PATJ: variants seen among roughly 807,000 people sequenced by gnomAD.
The protein encoded by PATJ is PATJ crumbs cell polarity complex component, also known as inaD-like protein.
Under a neutral mutation model 224.9 loss-of-function variants are expected in PATJ, and 190 were observed. The ratio of observed to expected loss-of-function variants is 0.84; its 90% CI spans 0.75 to 0.95. The LOEUF (loss-of-function observed/expected upper bound fraction) is 0.95, where lower values mean the gene tolerates loss of function less well. Ranked by LOEUF, PATJ falls within the 40% of genes least tolerant of loss-of-function variation. The pLI is 0.00. For synonymous variants in PATJ, 769 were observed against 820.3 expected (o/e 0.94, Z 1.07); for missense variants, 2,121 against 2,270.3 (o/e 0.93, Z 1.34).
chr1:62,113,448 G>GC (rs1277530805), intron 34 of PATJ, among the ~76,000 whole-genome samples: 2 of 152,144 alleles, frequency 1.3e-5, no homozygotes, highest in African/African-American at 4.8e-5. Flanking sequence ...GCCAGCCTGG[G>GC]CAATATGGCA....
At chr1:61,809,271 A>G (rs551698583) in intron 14 of PATJ, among the ~76,000 whole-genome samples, 1 of 152,348 alleles carries the variant, frequency 6.6e-6, no homozygotes, top group South Asian at 2.1e-4. Flanking sequence ...TTGATAAGAA[A>G]GGAAAGATGT....
At chr1:61,761,321 C>T (rs1298079467) in intron 1 of PATJ, among the ~76,000 whole-genome samples, 7 of 152,070 alleles carry the variant, frequency 4.6e-5, no homozygotes, top group Non-Finnish European at 2.9e-5. Context: ...AAACCATACC[C>T]CCTTCAAGAC....
chr1:61,832,107 A>G (rs536658737), intron 16 of PATJ, among the ~76,000 whole-genome samples: 1 of 152,236 alleles, frequency 6.6e-6, no homozygotes, highest in South Asian at 2.1e-4. Flanking sequence ...TCTCACTCAT[A>G]AGTGGGAGCT....
chr1:61,804,793 A>G (rs1653192421), intron 12 of PATJ, among the ~76,000 whole-genome samples: 2 of 152,188 alleles, frequency 1.3e-5, no homozygotes, highest in Admixed American at 6.6e-5. Flanking sequence ...TATCTATGCA[A>G]CAAAGACAGT....
chr1:61,743,322 CCGCACGCAGGCCGAATTAAG>C (rs1265650105), intron 1 of PATJ, among the ~76,000 whole-genome samples: 3 of 152,234 alleles, frequency 2.0e-5, no homozygotes, highest in Non-Finnish European at 4.4e-5. Flanking sequence ...CCCAGCCGTC[CCGCACGCAGGCCGAATTAAG>C]TGAACACCCC....
At chr1:61,940,037 T>G (rs1282691532) in intron 27 of PATJ, among the ~76,000 whole-genome samples, 1 of 152,180 alleles carries the variant, frequency 6.6e-6, no homozygotes, top group Non-Finnish European at 1.5e-5. Context: ...ATTGTCCATG[T>G]AAATATATGT....
In PATJ at chr1:61,976,066, T is replaced by G. The variant is rs538683844; in HGVS notation, c.3671-14102T>G. ...TTTGTCCCCTCTTCAAGTCATCCTG[T>G]GTGTGCTGCAGCCATGCTTCCTAAG... On this transcript the variant is annotated intron_variant, in intron 27 of 43. Coordinates refer to ENST00000642238, the MANE Select transcript of PATJ (RefSeq NM_001350145.3). Among the ~76,000 whole-genome samples, 12 of 152,174 alleles carry G rather than the reference T, an allele frequency of 7.9e-5. No homozygotes were observed. The East Asian group carries it at 2.3e-3, about 29-fold the overall frequency.
At chr1:62,081,894 C>A (rs766629691) in intron 32 of PATJ, among the ~76,000 whole-genome samples, 16 of 152,146 alleles carry the variant, frequency 1.1e-4, no homozygotes, top group Non-Finnish European at 2.2e-4. Flanking sequence ...TTTTAAAGCA[C>A]CCATGAAAGT....
At chr1:62,146,614 A>T (rs1668065636) in intron 41 of PATJ, among the ~76,000 whole-genome samples, 1 of 151,796 alleles carries the variant, frequency 6.6e-6, no homozygotes, top group African/African-American at 2.4e-5. Flanking sequence ...CGTCTCTACT[A>T]AAATACAAAA....
intron 30 of PATJ, among the ~76,000 whole-genome samples, chr1:62,044,946 G>A (rs867391919): frequency 3.3e-5 from 5 of 152,276 alleles, no homozygotes; most frequent in Admixed American, 2.0e-4. Context: ...GGCCAGGCAC[G>A]GTGACTCACG....
At chr1:61,779,065 A>C (rs550299729) in intron 7 of PATJ, among the ~76,000 whole-genome samples, 36 of 152,250 alleles carry the variant, frequency 2.4e-4, no homozygotes, top group African/African-American at 8.7e-4. Flanking sequence ...ATAAATGATA[A>C]AAATTAACAT....
intron 7 of PATJ, among the ~76,000 whole-genome samples, chr1:61,778,504 G>C (rs994659184): frequency 6.6e-6 from 1 of 152,132 alleles, no homozygotes; most frequent in Non-Finnish European, 1.5e-5. Context: ...TGTTATCAAA[G>C]AATAGGCTGA....
At chr1:61,991,963 C>T (rs189268867) in intron 28 of PATJ, among the ~76,000 whole-genome samples, 76 of 152,256 alleles carry the variant, frequency 5.0e-4, no homozygotes, top group Admixed American at 2.0e-3. Context: ...ATGGTAACAA[C>T]TATTATTATC....
At chr1:61,964,440 A>G (rs1474836701) in intron 27 of PATJ, among the ~76,000 whole-genome samples, 2 of 152,152 alleles carry the variant, frequency 1.3e-5, no homozygotes, top group Non-Finnish European at 2.9e-5. Flanking sequence ...CCAGTTAACT[A>G]TATATATAGA....
intron 27 of PATJ, among the ~76,000 whole-genome samples, chr1:61,976,821 T>C (rs1345172456): frequency 1.3e-5 from 2 of 152,116 alleles, no homozygotes; most frequent in African/African-American, 4.8e-5. Context: ...GATTTTACTA[T>C]ACTCGTTTCA....
At chr1:61,797,482 G>C in intron 11 of PATJ, 54 bp downstream of exon 11, 6 of 1,477,934 alleles carry the variant, frequency 4.1e-6, no homozygotes, top group Non-Finnish European at 5.6e-6. Context: ...TGGAAGAGCA[G>C]TTCAATTATG....
At chr1:61,748,194 G>A (rs1453167808) in intron 1 of PATJ, among the ~76,000 whole-genome samples, 3 of 150,186 alleles carry the variant, frequency 2.0e-5, no homozygotes, top group African/African-American at 7.4e-5. Context: ...ATTCTTAAGA[G>A]GGTTTAGTTT....
At chr1:62,096,437 G>C (rs1375959177) in intron 33 of PATJ, among the ~76,000 whole-genome samples, 3 of 152,188 alleles carry the variant, frequency 2.0e-5, no homozygotes, top group Non-Finnish European at 4.4e-5. Flanking sequence ...GTCTGGCTTA[G>C]AGCTTGTTGG....
chr1:61,934,729 A>G (rs761717548), intron 27 of PATJ, among the ~76,000 whole-genome samples: 2 of 152,160 alleles, frequency 1.3e-5, no homozygotes, highest in African/African-American at 4.8e-5. Context: ...TCTAAGTTCC[A>G]TGAGGCTAAT....
Sources: allele counts gnomAD v4.1 joint callset (sites outside exome capture counted in the v4.1 genomes callset), GRCh38; gene constraint gnomAD v4.1.1; transcripts MANE v1.5; gene names NCBI Gene and HGNC (gene_info 2026-07-23, HGNC 2026-07-21).